ADD1: variants seen among roughly 807,000 people sequenced by gnomAD.
ADD1 encodes the protein alpha-adducin.
In ADD1, 24 loss-of-function variants were observed where a neutral mutation model predicts 80.5. The ratio of observed to expected loss-of-function variants is 0.30; its 90% CI spans 0.22 to 0.42. The LOEUF (loss-of-function observed/expected upper bound fraction) is 0.42. ADD1 is among the 10% of genes least tolerant of loss of function. The pLI is 1.00. For missense variants in ADD1, 948 were observed against 1,019.0 expected (o/e 0.93, Z 0.95); for synonymous variants, 373 against 393.8 (o/e 0.95, Z 0.63).
intron 2 of ADD1, among the ~76,000 whole-genome samples, chr4:2,879,457 G>T (rs1731883547): frequency 6.6e-6 from 1 of 152,152 alleles, no homozygotes; most frequent in Non-Finnish European, 1.5e-5. Flanking sequence ...GTGTCGAATT[G>T]AGCTTTCCCT....
At chr4:2,919,304 G>T (rs1261234783) in intron 14 of ADD1, among the ~76,000 whole-genome samples, 1 of 152,100 alleles carries the variant, frequency 6.6e-6, no homozygotes, top group Non-Finnish European at 1.5e-5. Flanking sequence ...TTTTTTTGTT[G>T]TGTCTCTGCC....
Position 2,928,790 on chromosome 4 carries a change from T to G in ADD1, c.*267T>G. On this transcript the variant is annotated 3_prime_UTR_variant, in exon 16 of 16. Coordinates refer to ENST00000683351, the MANE Select transcript of ADD1 (RefSeq NM_001354761.2). Reference sequence around the variant, plus strand: ...ACAGGGGGGAGGCACTAAGTCATGGTCCTGGCTGGAAGGTACTGAAGGCTT... The same window carrying G: ...ACAGGGGGGAGGCACTAAGTCATGGGCCTGGCTGGAAGGTACTGAAGGCTT... 2.2e-6 allele frequency: 1 copy of G among 461,416 alleles called. No homozygotes were observed. Among genetic ancestry groups the G allele is most frequent in the Non-Finnish European group, 3.8e-6 (1 of 263,074 alleles). 28.6% of individuals were successfully genotyped at this position (461,416 alleles called of 1,614,324 possible).
chr4:2,907,488 G>T (rs1002684766), intron 10 of ADD1: 11 of 384,694 alleles, frequency 2.9e-5, no homozygotes, highest in Non-Finnish European at 4.4e-5. Context: ...TTATGACCCA[G>T]ATTCAGCTGG....
At chr4:2,893,121 G>T (rs1035330211) in intron 4 of ADD1, among the ~76,000 whole-genome samples, 2 of 151,798 alleles carry the variant, frequency 1.3e-5, no homozygotes, top group Non-Finnish European at 2.9e-5. Flanking sequence ...TAGAGACGGG[G>T]TTTTGCCATG....
chr4:2,929,834 C>T lies in ADD1; in HGVS notation c.*1311C>T, dbSNP rs985325787. 2.6e-5 allele frequency: 4 copies of T among 152,746 alleles called. No homozygotes were observed. The highest frequency in any genetic ancestry group is 9.6e-5 in the African/African-American group (4 of 41,600). The allele number at this position is 152,746 out of a possible 1,614,324, so 9.5% of individuals were successfully genotyped here. The stretch of plus-strand genomic sequence containing the variant: ...CAAGCGTGCTGCCTCTCTTCTGTGT[C>T]GTTTTGTTGCCAAGGCAGAATGAAA... On this transcript the variant is annotated 3_prime_UTR_variant, in exon 16 of 16. Transcript: ENST00000683351.
chr4:2,928,206 G>A lies in ADD1; in HGVS notation c.2083G>A (p.Asp695Asn), dbSNP rs756884720. 9 of 1,614,134 alleles carry A rather than the reference G, an allele frequency of 5.6e-6. No individual in the cohort carries two copies. Among genetic ancestry groups the A allele is most frequent in the Admixed American group, 1.7e-5 (1 of 60,020 alleles). ...GGAGCCGACTACTGGAGATGACAGT[G>A]ATGCTGCCACCTTTAAGCCAACTCT... The part of the protein sequence containing the change: ...VPEPTTGDDS[D>N]AATFKPTLPD... Residue 695 changes from aspartate (D) to asparagine (N), a missense_variant, in exon 16 of 16, where the codon GAT (aspartate) becomes AAT (asparagine). Physicochemically the swap from Asp to Asn is conservative, Grantham distance 23. Transcript: ENST00000683351.
chr4:2,854,574 G>A (rs1727793140), intron 1 of ADD1, among the ~76,000 whole-genome samples: 1 of 152,142 alleles, frequency 6.6e-6, no homozygotes, highest in South Asian at 2.1e-4. Context: ...TATTAGGTGT[G>A]AATAACCTTA....
At chr4:2,920,727 ATCTTCGCAT>A (rs958588519) in intron 14 of ADD1, among the ~76,000 whole-genome samples, 1 of 147,252 alleles carries the variant, frequency 6.8e-6, no homozygotes, top group African/African-American at 2.5e-5. Flanking sequence ...GCCAGTGCAT[ATCTTCGCAT>A]GTGAGACAGG....
intron 9 of ADD1, 130 bp from the exon 10 acceptor site, chr4:2,904,634 G>A (rs1736732323): frequency 1.3e-6 from 1 of 797,134 alleles, no homozygotes; most frequent in East Asian, 2.6e-5. Context: ...GTAAAATTAG[G>A]AGTGGAATTA....
chr4:2,865,905 G>GATAAGTC, intron 1 of ADD1, among the ~76,000 whole-genome samples: 1 of 152,332 alleles, frequency 6.6e-6, no homozygotes, highest in East Asian at 1.9e-4. Context: ...ATTGCCAGAA[G>GATAAGTC]ATAAGTCAAA....
At chr4:2,898,145 C>G (rs1056579146) in intron 6 of ADD1, 39 bp from the exon 7 acceptor site, 3 of 1,587,826 alleles carry the variant, frequency 1.9e-6, no homozygotes, top group Non-Finnish European at 1.7e-6. Flanking sequence ...TTGTGTAACC[C>G]CAGGTTTTCC....
chr4:2,905,190 GC>G, intron 10 of ADD1, 82 bp downstream of exon 10: 1 of 1,371,684 alleles, frequency 7.3e-7, no homozygotes, highest in Non-Finnish European at 1.0e-6. Flanking sequence ...TGGGAATCCA[GC>G]CTTTCTGACC....
chr4:2,866,070 T>G (rs1300798778), intron 1 of ADD1, among the ~76,000 whole-genome samples: 2 of 152,274 alleles, frequency 1.3e-5, no homozygotes. Context: ...TCCTGAAATC[T>G]TAACTGCAGT....
intron 9 of ADD1, chr4:2,902,685 G>A (rs1420187740): frequency 1.3e-5 from 2 of 152,110 alleles, no homozygotes; most frequent in African/African-American, 2.4e-5. Flanking sequence ...AGCCAAGGTC[G>A]AGCCACAGCA....
At chr4:2,853,881 G>A (rs570442494) in intron 1 of ADD1, among the ~76,000 whole-genome samples, 133 of 152,298 alleles carry the variant, frequency 8.7e-4, no homozygotes, top group Non-Finnish European at 1.7e-3. Context: ...TGGGATTAAA[G>A]GCGTGAGCGA....
intron 10 of ADD1, 200 bp from the exon 11 acceptor site, chr4:2,907,543 A>G (rs1445133194): frequency 2.0e-6 from 1 of 503,394 alleles, no homozygotes; most frequent in Non-Finnish European, 3.6e-6. Flanking sequence ...TTTGACTTCC[A>G]GCATTAACTG....
chr4:2,854,418 C>G (rs1727766255), intron 1 of ADD1, among the ~76,000 whole-genome samples: 1 of 152,148 alleles, frequency 6.6e-6, no homozygotes, highest in African/African-American at 2.4e-5. Context: ...AATGATCTAA[C>G]TTTTTGCTTG....
chr4:2,864,973 A>G lies in ADD1; in HGVS notation c.-20-10923A>G, dbSNP rs115511454. 2.4e-3 allele frequency among the ~76,000 whole-genome samples: 361 copies of G among 152,228 alleles called. 4 individuals are homozygous for G. The highest frequency in any genetic ancestry group is 8.3e-3 in the African/African-American group (346 of 41,526). On this transcript the variant is annotated intron_variant, in intron 1 of 15. Coordinates refer to ENST00000683351, the MANE Select transcript of ADD1 (RefSeq NM_001354761.2). ...AATCTTTAAAAATGTGTGTGTGTAT[A>G]TCTATGAACAAATAAAGGATCTCCT...
Position 2,899,219 on chromosome 4 carries a change from A to C in ADD1, c.985-40A>C, listed in dbSNP as rs777106451. 8.3e-6 allele frequency: 13 copies of C among 1,568,766 alleles called. No homozygotes were observed. The South Asian group carries it at 9.5e-5, about 11-fold the overall frequency. The stretch of plus-strand genomic sequence containing the variant: ...CAAGTCATCTGACCCTCTTGATCTC[A>C]GTAAGGAACTCAAGCCATGCTGTGT... On this transcript the variant is annotated intron_variant, in intron 8 of 15. Coordinates refer to ENST00000683351, the MANE Select transcript of ADD1 (RefSeq NM_001354761.2).
Sources: allele counts gnomAD v4.1 joint callset (sites outside exome capture counted in the v4.1 genomes callset), GRCh38; gene constraint gnomAD v4.1.1; transcripts MANE v1.5; gene names NCBI Gene and HGNC (gene_info 2026-07-23, HGNC 2026-07-21).